Variants in SCARB1 observed in about 807,000 individuals in gnomAD.
The protein encoded by SCARB1 is CD36 and LIMPII analogous 1.
A neutral mutation model predicts 57.2 loss-of-function variants in SCARB1; 30 were observed. The observed-to-expected ratio is 0.52, with a 90% confidence interval of 0.39 to 0.71. The LOEUF is 0.71. Among genes scored for constraint, SCARB1 ranks in the 30% least tolerant of loss-of-function variants. The pLI, the probability that SCARB1 is intolerant of heterozygous loss-of-function variation, is 0.00. For synonymous variants in SCARB1, 249 were observed against 268.3 expected (o/e 0.93, Z 0.70); for missense variants, 543 against 671.2 (o/e 0.81, Z 2.11).
At chr12:124,804,261 G>A (rs1212179059) in intron 7 of SCARB1, among the ~76,000 whole-genome samples, 1 of 152,204 alleles carries the variant, frequency 6.6e-6, no homozygotes, top group African/African-American at 2.4e-5. Flanking sequence ...AACACAGGTG[G>A]CCCCCTTTCT....
intron 7 of SCARB1, among the ~76,000 whole-genome samples, chr12:124,803,546 G>C (rs890156524): frequency 3.9e-5 from 6 of 151,958 alleles, no homozygotes; most frequent in African/African-American, 1.5e-4. Flanking sequence ...CTCCAGCCTG[G>C]GCGACAGTGA....
At chr12:124,836,263 G>A (rs1951643870) in intron 1 of SCARB1, among the ~76,000 whole-genome samples, 1 of 152,146 alleles carries the variant, frequency 6.6e-6, no homozygotes, top group Non-Finnish European at 1.5e-5. Context: ...GAGGTCTCGC[G>A]CATGTGTCAC....
intron 1 of SCARB1, among the ~76,000 whole-genome samples, chr12:124,832,875 T>A (rs1951461530): frequency 6.6e-6 from 1 of 151,946 alleles, no homozygotes; most frequent in Non-Finnish European, 1.5e-5. Context: ...TAACACTGGC[T>A]CAGATCAATA....
chr12:124,782,108 C>T (rs1949339625), intron 12 of SCARB1, among the ~76,000 whole-genome samples: 2 of 152,054 alleles, frequency 1.3e-5, no homozygotes, highest in South Asian at 4.2e-4. Flanking sequence ...AGGTTTTCAC[C>T]ATGTTGGCCA....
At chr12:124,839,476 C>T (rs1951825830) in intron 1 of SCARB1, among the ~76,000 whole-genome samples, 1 of 152,214 alleles carries the variant, frequency 6.6e-6, no homozygotes, top group African/African-American at 2.4e-5. Context: ...GGGTTGCTCC[C>T]ACCGTTGGGC....
intron 9 of SCARB1, among the ~76,000 whole-genome samples, chr12:124,794,979 G>A (rs201907136): frequency 2.5e-5 from 3 of 118,550 alleles, no homozygotes; most frequent in African/African-American, 1.4e-4. Flanking sequence ...GTGGTGTTCT[G>A]GGGAAGGAAT....
rs927147109 is a variant in SCARB1, at chr12:124,796,640, C to G, written c.1129-1372G>C. On this transcript the variant is annotated intron_variant, in intron 8 of 12. Transcript: ENST00000261693. This position sits in a 1 kb window ranked among gnomAD's most constrained non-coding sequence, Gnocchi z 4.0. ...AAGTAAGGTATGCAAGATAGCCACA[C>G]GCAGGGCCATAAATGCCTAGGTTAT... 1.3e-5 allele frequency among the ~76,000 whole-genome samples: 2 copies of G among 152,174 alleles called. No individual in the cohort carries two copies. The highest frequency in any genetic ancestry group is 3.9e-4 in the East Asian group (2 of 5,194).
rs1950636426 is a variant in SCARB1 at position 124,814,659 on chromosome 12, CCA to C, written c.427-256_427-255del. On this transcript the variant is annotated intron_variant, in intron 3 of 12. Coordinates refer to ENST00000261693, the MANE Select transcript of SCARB1 (RefSeq NM_005505.5). This position sits in a 1 kb window ranked among gnomAD's most constrained non-coding sequence, Gnocchi z 4.7. ...GACTCAGGCTAAGTGAACTCCAGCC[CCA>C]GTCCCAGAGGCGGGCCTGTGGCTCA... Among the ~76,000 whole-genome samples, 4 of 152,198 alleles carry C rather than the reference CCA, an allele frequency of 2.6e-5. No individual in the cohort carries two copies. Among genetic ancestry groups the C allele is most frequent in the Non-Finnish European group, 5.9e-5 (4 of 68,044 alleles).
At chr12:124,795,084 C>T (rs1949896362) in intron 9 of SCARB1, 111 bp downstream of exon 9, 4 of 913,396 alleles carry the variant, frequency 4.4e-6, no homozygotes, top group East Asian at 2.4e-5. Context: ...ACCCTCTCCC[C>T]TCCCCATGCC....
rs10591427 is a variant in SCARB1, at chr12:124,817,128, G to GTGTGTA, written c.284+416_284+421dup. Among the ~76,000 whole-genome samples the GTGTGTA allele has an allele frequency of 6.7e-6, 1 of 149,720 alleles. No homozygotes were observed. The highest frequency in any genetic ancestry group is 2.5e-5 in the African/African-American group (1 of 40,620). ...TGTATGTACGTGTGTATGTATGTATGTGTGTATGTGTATGTGTATGTGTGT... is the reference window on the plus strand; with the variant it reads ...TGTATGTACGTGTGTATGTATGTATGTGTGTATGTGTATGTGTATGTGTATGTGTGT... On this transcript the variant is annotated intron_variant, in intron 2 of 12. Coordinates refer to ENST00000261693, the MANE Select transcript of SCARB1 (RefSeq NM_005505.5). This position sits in a 1 kb window ranked among gnomAD's most constrained non-coding sequence, Gnocchi z 4.8.
Position 124,800,627 on chromosome 12 carries a change from C to T in SCARB1, c.1010-385G>A, listed in dbSNP as rs35186893. 9.3e-3 allele frequency among the ~76,000 whole-genome samples: 1,418 copies of T among 152,228 alleles called. 27 individuals are homozygous for T. The highest frequency in any genetic ancestry group is 0.011 in the Non-Finnish European group (715 of 68,008). On this transcript the variant is annotated intron_variant, in intron 7 of 12. Coordinates refer to ENST00000261693, the MANE Select transcript of SCARB1 (RefSeq NM_005505.5). This position sits in a 1 kb window ranked among gnomAD's most constrained non-coding sequence, Gnocchi z 4.8. The stretch of plus-strand genomic sequence containing the variant: ...AGGGAGGCACGGATGGAAAAGGCAA[C>T]GCCAGATTTGAACTTGGGTGTGGGG...
intron 4 of SCARB1, among the ~76,000 whole-genome samples, chr12:124,813,326 G>A (rs965017567): frequency 1.7e-4 from 26 of 152,192 alleles, no homozygotes; most frequent in Non-Finnish European, 1.0e-4. Context: ...AATGTGATGT[G>A]ATTGCTGACA....
rs1264055208 is a variant in SCARB1 at position 124,817,134 on chromosome 12, ATGTG to A, written c.284+412_284+415del. ...TACGTGTGTATGTATGTATGTGTGT[ATGTG>A]TATGTGTATGTGTGTGTATGTATGT... On this transcript the variant is annotated intron_variant, in intron 2 of 12. Coordinates refer to ENST00000261693, the MANE Select transcript of SCARB1 (RefSeq NM_005505.5). This position sits in a 1 kb window ranked among gnomAD's most constrained non-coding sequence, Gnocchi z 4.8. 5.1e-5 allele frequency among the ~76,000 whole-genome samples: 2 copies of A among 39,138 alleles called. No homozygotes were observed. The highest frequency in any genetic ancestry group is 1.8e-4 in the Non-Finnish European group (2 of 11,294). 25.7% of individuals were successfully genotyped at this position (39,138 alleles called of 152,430 possible). A position where few individuals can be genotyped will look rare whatever the true frequency, so the allele number is the denominator to read the frequency against.
chr12:124,860,830 C>T (rs530417260), intron 1 of SCARB1, among the ~76,000 whole-genome samples: 137 of 152,210 alleles, frequency 9.0e-4, no homozygotes, highest in African/African-American at 2.5e-3. Flanking sequence ...AAGGAAAACG[C>T]GGGGTAGACT....
At position 124,787,395 on chromosome 12, in the gene SCARB1, C is replaced by A. The variant is rs202096858; in HGVS notation, c.1254+11G>T. On this transcript the variant is annotated intron_variant, in intron 10 of 12. Coordinates refer to ENST00000261693, the MANE Select transcript of SCARB1 (RefSeq NM_005505.5). ...CAAAAGCCCCCGACGCTGTGCCCAA[C>A]GCACCCTTACCTCTGCAAACCAGAG... The A allele has an allele frequency of 1.2e-5, 20 of 1,613,418 alleles. No homozygotes were observed. In the African/African-American group the frequency reaches 2.4e-4, roughly 19 times the overall value.
intron 1 of SCARB1, among the ~76,000 whole-genome samples, chr12:124,861,667 C>T (rs1459946466): frequency 6.6e-6 from 1 of 152,200 alleles, no homozygotes; most frequent in Non-Finnish European, 1.5e-5. Context: ...CCAGAAGTGG[C>T]CGTCTTGGGC....
intron 7 of SCARB1, among the ~76,000 whole-genome samples, chr12:124,804,500 C>A (rs369008808): frequency 6.6e-5 from 10 of 152,326 alleles, no homozygotes; most frequent in East Asian, 3.9e-4. Context: ...CAGGTGGAGT[C>A]CAGCATCTGC....
At chr12:124,794,223 T>C (rs935433794) in intron 9 of SCARB1, among the ~76,000 whole-genome samples, 2 of 152,192 alleles carry the variant, frequency 1.3e-5, no homozygotes, top group Admixed American at 6.5e-5. Context: ...TGGTGATAGA[T>C]ACACAATTCT....
At chr12:124,862,255 C>A (rs1419359193) in intron 1 of SCARB1, 2 of 152,214 alleles carry the variant, frequency 1.3e-5, no homozygotes, top group Admixed American at 1.3e-4. Context: ...TTCCTGCCAT[C>A]CCCAGAGACA....
Sources: gnomAD v4.1 joint callset for allele counts (sites outside exome capture counted in the v4.1 genomes callset) on GRCh38, gnomAD v4.1.1 for gene constraint, Gnocchi (gnomAD v3.1) non-coding constraint, MANE v1.5 for transcripts, NCBI Gene and HGNC (gene_info 2026-07-23, HGNC 2026-07-21) for gene names.